KSR2: variants seen among roughly 807,000 people sequenced by gnomAD.
The protein encoded by KSR2 is kinase suppressor of ras 2.
KSR2 carries 25 observed loss-of-function variants against 107.8 expected under a neutral mutation model. That is an observed-to-expected ratio of 0.23 (90% CI 0.17 to 0.32). KSR2 has a LOEUF of 0.32. KSR2 is among the 10% of genes least tolerant of loss of function. KSR2 has a pLI of 1.00. For synonymous variants in KSR2, 480 were observed against 507.0 expected, an observed-to-expected ratio of 0.95 and a Z score of 0.71; for missense variants, 887 against 1,268.9, an observed-to-expected ratio of 0.70 and a Z score of 4.57.
chr12:117,606,647 T>C (rs1881292060), intron 5 of KSR2, among the ~76,000 whole-genome samples: 1 of 96,374 alleles, frequency 1.0e-5, no homozygotes, highest in African/African-American at 4.9e-5. Flanking sequence ...TTCTTTCCCT[T>C]CTTCCTTCCC....
chr12:117,569,583 G>A (rs1878744404), intron 7 of KSR2, among the ~76,000 whole-genome samples: 1 of 152,076 alleles, frequency 6.6e-6, no homozygotes, highest in South Asian at 2.1e-4. Context: ...AACCTCAACT[G>A]GAACATAGGA....
chr12:117,510,992 A>G (rs561821814), intron 14 of KSR2, among the ~76,000 whole-genome samples: 1 of 152,140 alleles, frequency 6.6e-6, no homozygotes, highest in Non-Finnish European at 1.5e-5. Context: ...AATTCATTTA[A>G]TCTTCACATT....
chr12:117,950,902 T>C (rs1235225200), intron 1 of KSR2, among the ~76,000 whole-genome samples: 1 of 151,538 alleles, frequency 6.6e-6, no homozygotes, highest in Non-Finnish European at 1.5e-5. Context: ...AACCAGCGGT[T>C]CTTCTTATTT....
intron 3 of KSR2, among the ~76,000 whole-genome samples, chr12:117,772,244 ACT>A: frequency 3.6e-5 from 5 of 139,264 alleles, no homozygotes; most frequent in African/African-American, 1.1e-4. Context: ...ACGCACAAAC[ACT>A]CACACATACA....
At chr12:117,921,210 G>A (rs999857743) in intron 1 of KSR2, among the ~76,000 whole-genome samples, 4 of 152,036 alleles carry the variant, frequency 2.6e-5, no homozygotes, top group East Asian at 3.9e-4. Flanking sequence ...GCCAATATAC[G>A]TAAAGTCCTC....
At chr12:117,936,960 G>A (rs983834290) in intron 1 of KSR2, among the ~76,000 whole-genome samples, 13 of 152,180 alleles carry the variant, frequency 8.5e-5, no homozygotes, top group African/African-American at 3.1e-4. Flanking sequence ...AGCCCAGAGG[G>A]TGCCCAGGGA....
intron 4 of KSR2, among the ~76,000 whole-genome samples, chr12:117,744,944 G>C (rs988777701): frequency 6.6e-6 from 1 of 152,134 alleles, no homozygotes; most frequent in Non-Finnish European, 1.5e-5. Flanking sequence ...AAATAATGAT[G>C]ATTGGCAGCA....
intron 4 of KSR2, among the ~76,000 whole-genome samples, chr12:117,728,139 AG>A (rs1322618133): frequency 6.6e-6 from 1 of 152,232 alleles, no homozygotes; most frequent in Non-Finnish European, 1.5e-5. Flanking sequence ...GTGGGTATCT[AG>A]GGATATACCT....
At chr12:117,665,386 T>A (rs570947176) in intron 5 of KSR2, among the ~76,000 whole-genome samples, 1 of 152,202 alleles carries the variant, frequency 6.6e-6, no homozygotes, top group East Asian at 1.9e-4. Flanking sequence ...AGGAAGGAGA[T>A]GTTTTTACTC....
chr12:117,663,035 GT>G lies in KSR2; in HGVS notation c.1171+4438del, dbSNP rs546982199. On this transcript the variant is annotated intron_variant, in intron 5 of 19. Transcript: ENST00000339824. Reference sequence around the variant, plus strand: ...CAGAGTCTAGGTGGAGCAGCAAATGGTTAGTCAATGTGGGTGCTGCTTTCTA... The same window carrying G: ...CAGAGTCTAGGTGGAGCAGCAAATGGTAGTCAATGTGGGTGCTGCTTTCTA... 4.4e-4 allele frequency among the ~76,000 whole-genome samples: 67 copies of G among 152,254 alleles called. No homozygotes were observed. In the East Asian group the frequency reaches 0.013, roughly 29 times the overall value.
At chr12:117,855,406 C>T (rs370132179) in intron 3 of KSR2, 22 bp downstream of exon 3, 78 of 1,613,790 alleles carry the variant, frequency 4.8e-5, no homozygotes, top group Non-Finnish European at 5.8e-5. Flanking sequence ...TCTCCACATC[C>T]CCGACCCCGG....
chr12:117,566,679 A>G (rs549146400), intron 7 of KSR2, among the ~76,000 whole-genome samples: 2 of 152,282 alleles, frequency 1.3e-5, no homozygotes, highest in African/African-American at 4.8e-5. Flanking sequence ...AATTGGGACA[A>G]TTCATCCCTG....
chr12:117,551,665 T>A (rs1439441212), intron 9 of KSR2, among the ~76,000 whole-genome samples: 1 of 151,658 alleles, frequency 6.6e-6, no homozygotes. Flanking sequence ...AAAAAAAAAA[T>A]CTTCAGACCA....
chr12:117,611,969 G>C (rs915918036), intron 5 of KSR2, among the ~76,000 whole-genome samples: 1 of 152,172 alleles, frequency 6.6e-6, no homozygotes, highest in African/African-American at 2.4e-5. Context: ...ATGGGGAGGA[G>C]GGAATGAGGA....
chr12:117,950,782 T>C (rs1242888377), intron 1 of KSR2, among the ~76,000 whole-genome samples: 1 of 149,362 alleles, frequency 6.7e-6, no homozygotes, highest in Non-Finnish European at 1.5e-5. Flanking sequence ...ATAATAATAA[T>C]AATAAAAGTA....
Position 117,471,794 on chromosome 12 carries a change from T to C in KSR2, c.2583-474A>G, listed in dbSNP as rs116544143. ...ACATTTCAAATAAATTTTGCTGACATAAAAAATGCTCAATATATAACCTTA... is the reference window on the plus strand; with the variant it reads ...ACATTTCAAATAAATTTTGCTGACACAAAAAATGCTCAATATATAACCTTA... On this transcript the variant is annotated intron_variant, in intron 17 of 19. Transcript: ENST00000339824. Among the ~76,000 whole-genome samples the C allele has an allele frequency of 7.4e-3, 1,119 of 152,082 alleles. 14 individuals are homozygous for C. Among genetic ancestry groups the C allele is most frequent in the African/African-American group, 0.024 (1,011 of 41,490 alleles).
chr12:117,494,149 T>G (rs1052387530), intron 14 of KSR2, among the ~76,000 whole-genome samples: 5 of 152,136 alleles, frequency 3.3e-5, no homozygotes, highest in Non-Finnish European at 7.4e-5. Context: ...GACCTTCCCT[T>G]CCAGTATTCC....
chr12:117,647,019 G>A (rs80348863), intron 5 of KSR2, among the ~76,000 whole-genome samples: 1,825 of 152,262 alleles, frequency 0.012, 43 homozygotes, highest in African/African-American at 0.042. Context: ...ATGGTGACCA[G>A]GAGAAAGAAA....
intron 3 of KSR2, 87 bp from the exon 4 acceptor site, chr12:117,761,611 ACATTACACCACGTGCC>A: frequency 8.1e-7 from 1 of 1,227,402 alleles, no homozygotes; most frequent in South Asian, 1.2e-5. Flanking sequence ...CATCATACAC[ACATTACACCACGTGCC>A]CATTACATCA....
Sources: allele counts gnomAD v4.1 joint callset (sites outside exome capture counted in the v4.1 genomes callset), GRCh38; gene constraint gnomAD v4.1.1; transcripts MANE v1.5; gene names NCBI Gene and HGNC (gene_info 2026-07-23, HGNC 2026-07-21).